The following TMEM255A variants were observed in gnomAD, a reference collection of about 807,000 sequenced individuals.
TMEM255A encodes the protein family with sequence similarity 70, member A.
In TMEM255A, 14 loss-of-function variants were observed where a neutral mutation model predicts 23.5. The ratio of observed to expected loss-of-function variants is 0.60; its 90% CI spans 0.39 to 0.93. The LOEUF is 0.93. Ranked by LOEUF, TMEM255A falls within the 40% of genes least tolerant of loss-of-function variation. The pLI, the probability that TMEM255A is intolerant of heterozygous loss-of-function variation, is 0.00. For missense variants in TMEM255A, 233 were observed against 261.7 expected (o/e 0.89, Z 0.76); for synonymous variants, 104 against 100.3 (o/e 1.04, Z -0.22).
chrX:120,311,325 G>T lies in TMEM255A; in HGVS notation c.-16C>A, dbSNP rs1202322360. ...ACTGATGCATGGTGAAAACTGCCCG[G>T]TTGCCCCAGTCCCCGAAGCTGCTTC... On this transcript the variant is annotated 5_prime_UTR_variant, in exon 1 of 9. Coordinates refer to ENST00000371369, the MANE Select transcript of TMEM255A (RefSeq NM_001104544.3). The T allele has an allele frequency of 1.7e-6, 2 of 1,166,093 alleles. No homozygotes were observed. Among genetic ancestry groups the T allele is most frequent in the African/African-American group, 3.6e-5 (2 of 56,078 alleles).
chrX:120,260,947 A>T lies in TMEM255A; in HGVS notation c.901T>A (p.Trp301Arg). 8.3e-7 allele frequency: 1 copy of T among 1,198,236 alleles called. No homozygotes were observed. Among genetic ancestry groups the T allele is most frequent in the Non-Finnish European group, 1.1e-6 (1 of 891,277 alleles). ...TAACGGGGCGGTGCACTTGAGGACC[A>T]CATGTAGCTGGGTGAGGGAGAGGCA... ...QSASPSPSYMWSSSAPPRYSP... is the reference protein window; with the variant it reads ...QSASPSPSYMRSSSAPPRYSP... Residue 301 changes from tryptophan (W) to arginine (R), a missense_variant, in exon 9 of 9, where the codon TGG (tryptophan) becomes AGG (arginine). By Grantham distance (101) the Trp-to-Arg change is moderately radical. Coordinates refer to ENST00000371369, the MANE Select transcript of TMEM255A (RefSeq NM_001104544.3).
intron 8 of TMEM255A, among the ~76,000 whole-genome samples, chrX:120,266,527 T>A (rs1333459227): frequency 8.9e-6 from 1 of 111,979 alleles, no homozygotes; most frequent in African/African-American, 3.3e-5. Context: ...GAATGATGGC[T>A]CCATACCCAA....
chrX:120,278,063 C>A (rs1318030611), intron 6 of TMEM255A, among the ~76,000 whole-genome samples: 1 of 108,407 alleles, frequency 9.2e-6, no homozygotes, highest in Non-Finnish European at 1.9e-5. Context: ...GAAGATCTCG[C>A]TCTCCTCCTC....
At chrX:120,254,922 T>A, downstream of TMEM255A, 1 of 1,212,201 alleles carries the variant, frequency 8.2e-7, no homozygotes, top group African/African-American at 1.7e-5. Context: ...CAAAAGGTCA[T>A]ATGTCTGTCT....
chrX:120,255,538 C>A, downstream of TMEM255A: 1 of 686,875 alleles, frequency 1.5e-6, no homozygotes, highest in Non-Finnish European at 2.2e-6. Context: ...TGATCTGCCA[C>A]ATTATCTGAA....
intron 8 of TMEM255A, among the ~76,000 whole-genome samples, chrX:120,267,298 A>G (rs1260316367): frequency 1.8e-5 from 2 of 112,135 alleles, no homozygotes; most frequent in Non-Finnish European, 3.8e-5. Context: ...AGGGCTTTGT[A>G]TTGCCAAACT....
At chrX:120,282,504 GTTC>G (rs1450723847) in intron 6 of TMEM255A, among the ~76,000 whole-genome samples, 5 of 111,764 alleles carry the variant, frequency 4.5e-5, no homozygotes, top group Non-Finnish European at 7.5e-5. Context: ...TGAAAAGGGA[GTTC>G]TTCTTTTTGT....
At position 120,262,720 on chromosome X, in the gene TMEM255A, C is replaced by T. The variant is rs782531147; in HGVS notation, c.820-1692G>A. Among the ~76,000 whole-genome samples the T allele has an allele frequency of 2.9e-3, 327 of 111,858 alleles. 3 individuals are homozygous for T. The Middle Eastern group carries it at 0.037, about 13-fold the overall frequency. ...CTTAACCAGAGAGGGGAACAAAGAC[C>T]CACCAGGGCAAAGAATCTCTGTGCC... On this transcript the variant is annotated intron_variant, in intron 8 of 8. Coordinates refer to ENST00000371369, the MANE Select transcript of TMEM255A (RefSeq NM_001104544.3).
chrX:120,279,998 C>CTTTTTTT (rs59428362), intron 6 of TMEM255A, among the ~76,000 whole-genome samples: 393 of 38,066 alleles, frequency 0.01, no homozygotes, highest in East Asian at 0.016. Context: ...CCTTTTCTTT[C>CTTTTTTT]TTTTTTTTTT....
At chrX:120,285,925 C>T (rs367625139) in intron 5 of TMEM255A, 11 of 1,166,629 alleles carry the variant, frequency 9.4e-6, no homozygotes, top group African/African-American at 5.3e-5. Flanking sequence ...CTCTCTCCCC[C>T]ATCCAGATGC....
At chrX:120,282,891 C>A (rs2147195735) in intron 6 of TMEM255A, among the ~76,000 whole-genome samples, 1 of 111,260 alleles carries the variant, frequency 9.0e-6, no homozygotes, top group East Asian at 2.8e-4. Context: ...ACTTATCAAC[C>A]CTCTCAGTGG....
At chrX:120,287,815 A>G (rs1431366526) in intron 4 of TMEM255A, among the ~76,000 whole-genome samples, 5 of 111,941 alleles carry the variant, frequency 4.5e-5, no homozygotes, top group African/African-American at 1.6e-4. Flanking sequence ...ATTAGATAAA[A>G]TCAGTGAACT....
intron 2 of TMEM255A, among the ~76,000 whole-genome samples, chrX:120,301,018 A>G (rs1435320322): frequency 9.0e-6 from 1 of 111,138 alleles, no homozygotes; most frequent in African/African-American, 3.3e-5. Context: ...CACCGTGCCC[A>G]GCCTGGTTTT....
chrX:120,253,305 G>T, the TMEM255A span: 1 of 823,229 alleles, frequency 1.2e-6, no homozygotes, highest in Non-Finnish European at 1.7e-6. Flanking sequence ...CTGAACTTTG[G>T]TTAAAACTTG....
At chrX:120,283,525 C>T (rs1198884474) in intron 6 of TMEM255A, among the ~76,000 whole-genome samples, 1 of 111,113 alleles carries the variant, frequency 9.0e-6, no homozygotes, top group Admixed American at 9.5e-5. Flanking sequence ...CTCCATCCAG[C>T]CCCACTCTGC....
intron 7 of TMEM255A, 113 bp downstream of exon 7, chrX:120,276,772 T>C: frequency 1.2e-6 from 1 of 803,805 alleles, no homozygotes; most frequent in Non-Finnish European, 1.8e-6. Flanking sequence ...CTTGAAGCAA[T>C]TGCTTCTGAT....
intron 3 of TMEM255A, 38 bp downstream of exon 3, chrX:120,293,951 A>G (rs372137723): frequency 3.6e-5 from 37 of 1,025,284 alleles, no homozygotes; most frequent in Non-Finnish European, 4.9e-5. Flanking sequence ...GTGCTTTTTT[A>G]GAGGAAGAAC....
chrX:120,299,239 G>A (rs2058018659), intron 2 of TMEM255A, among the ~76,000 whole-genome samples: 1 of 112,030 alleles, frequency 8.9e-6, no homozygotes, highest in Admixed American at 9.4e-5. Flanking sequence ...GAACTCCTGG[G>A]CTCAGGCAAT....
downstream of TMEM255A, chrX:120,253,663 A>G (rs1556014705): frequency 8.3e-7 from 1 of 1,211,962 alleles, no homozygotes; most frequent in Admixed American, 2.2e-5. Context: ...GAAATTCTCA[A>G]TTATATCTAT....
Sources: allele counts gnomAD v4.1 joint callset (sites outside exome capture counted in the v4.1 genomes callset), GRCh38; gene constraint gnomAD v4.1.1; transcripts MANE v1.5; gene names NCBI Gene and HGNC (gene_info 2026-07-23, HGNC 2026-07-21).